SBF2: variants seen among roughly 807,000 people sequenced by gnomAD.
SBF2 encodes the protein SET binding factor 2, also known as myotubularin-related protein 13.
Under a neutral mutation model 225.2 loss-of-function variants are expected in SBF2, and 112 were observed. The ratio of observed to expected loss-of-function variants is 0.50; its 90% CI spans 0.43 to 0.58. The LOEUF is 0.58. Among genes scored for constraint, SBF2 ranks in the 20% least tolerant of loss-of-function variants. The pLI, the probability that SBF2 is intolerant of heterozygous loss-of-function variation, is 0.00. For synonymous variants in SBF2, 763 were observed against 773.3 expected, an observed-to-expected ratio of 0.99 and a Z score of 0.22; for missense variants, 1,996 against 2,206.2, an observed-to-expected ratio of 0.90 and a Z score of 1.91.
rs533755514 is a variant in SBF2 at position 9,860,811 on chromosome 11, T to C, written c.1930-2415A>G. 2.0e-5 allele frequency among the ~76,000 whole-genome samples: 3 copies of C among 152,310 alleles called. No homozygotes were observed. In the South Asian group the frequency reaches 6.2e-4, roughly 32 times the overall value. ...TTCATATAGATAAACTCCAAAAAAC[T>C]GAGCTTTTAACAAATCCTTATCAGA... On this transcript the variant is annotated intron_variant, in intron 17 of 39. Transcript: ENST00000256190.
At chr11:10,001,087 T>C in intron 7 of SBF2, 65 bp from the exon 8 acceptor site, 1 of 843,780 alleles carries the variant, frequency 1.2e-6, no homozygotes, top group South Asian at 1.4e-5. Flanking sequence ...TTCTTTCATC[T>C]TTATGCTGTG....
In SBF2 at chr11:9,857,033, C is replaced by T. The variant is rs185022052; in HGVS notation, c.2101-313G>A. 1.3e-3 allele frequency among the ~76,000 whole-genome samples: 199 copies of T among 152,230 alleles called. 1 individual carries two copies. The highest frequency in any genetic ancestry group is 4.4e-3 in the African/African-American group (181 of 41,538). Reference sequence around the variant, plus strand: ...CGATCTCCTGACCTTGTGATCAGCCCGCCTCGGCCTCCCAAAGTGCTGGGA... The same window carrying T: ...CGATCTCCTGACCTTGTGATCAGCCTGCCTCGGCCTCCCAAAGTGCTGGGA... On this transcript the variant is annotated intron_variant, in intron 18 of 39. Transcript: ENST00000256190.
In SBF2 at chr11:9,805,852, A is replaced by T. The variant is rs575750657; in HGVS notation, c.4443+2148T>A. Among the ~76,000 whole-genome samples the T allele has an allele frequency of 2.8e-4, 42 of 152,152 alleles. 1 individual carries two copies. Among genetic ancestry groups the T allele is most frequent in the Non-Finnish European group, 5.1e-4 (35 of 68,002 alleles). On this transcript the variant is annotated intron_variant, in intron 32 of 39. Transcript: ENST00000256190. ...TTGGCCAGGATGGTTTTGATCTCTT[A>T]CCTCGTGATCCACCCACCTTGGCCT...
intron 17 of SBF2, among the ~76,000 whole-genome samples, chr11:9,861,663 CAAAAAAA>C (rs1193095357): frequency 2.4e-5 from 2 of 83,458 alleles, no homozygotes; most frequent in Admixed American, 1.3e-4. Flanking sequence ...GACTCCATCT[CAAAAAAA>C]AAAAAAAAAA....
chr11:9,905,049 T>G (rs1051262693), intron 16 of SBF2, among the ~76,000 whole-genome samples: 3 of 152,102 alleles, frequency 2.0e-5, no homozygotes, highest in African/African-American at 7.2e-5. Flanking sequence ...CAAAAAACTA[T>G]CAGTAAATTT....
intron 22 of SBF2, among the ~76,000 whole-genome samples, chr11:9,849,465 A>C (rs1377952934): frequency 6.6e-6 from 1 of 152,204 alleles, no homozygotes; most frequent in Non-Finnish European, 1.5e-5. Context: ...ATTCCTTTCC[A>C]ATATAGAAGG....
At chr11:9,808,217 T>A in intron 31 of SBF2, 32 bp from the exon 32 acceptor site, 1 of 1,597,014 alleles carries the variant, frequency 6.3e-7, no homozygotes, top group Non-Finnish European at 8.6e-7. Flanking sequence ...TTGTCATTAA[T>A]TTTAGTTCTG....
At chr11:10,028,662 G>T (rs915386000) in intron 5 of SBF2, 105 bp from the exon 6 acceptor site, 5 of 791,474 alleles carry the variant, frequency 6.3e-6, no homozygotes, top group Non-Finnish European at 1.1e-5. Flanking sequence ...GACCATGTAA[G>T]ATCCAATTAA....
chr11:9,797,500 G>A (rs944674573), intron 32 of SBF2, among the ~76,000 whole-genome samples: 13 of 152,326 alleles, frequency 8.5e-5, no homozygotes, highest in African/African-American at 3.1e-4. Flanking sequence ...TGTTGCATCA[G>A]ATCTCCACAG....
At chr11:10,103,753 A>G (rs892326318) in intron 2 of SBF2, among the ~76,000 whole-genome samples, 3 of 152,210 alleles carry the variant, frequency 2.0e-5, no homozygotes, top group Non-Finnish European at 4.4e-5. Context: ...ATGAATATCA[A>G]GCAAAACAGG....
chr11:9,782,136 G>C (rs1386574373), intron 38 of SBF2, among the ~76,000 whole-genome samples: 2 of 150,258 alleles, frequency 1.3e-5, no homozygotes, highest in African/African-American at 4.9e-5. Context: ...AGTGAGCTGA[G>C]ATCCTGCCAC....
intron 33 of SBF2, among the ~76,000 whole-genome samples, chr11:9,791,986 T>C (rs539920419): frequency 6.6e-6 from 1 of 152,294 alleles, no homozygotes; most frequent in Admixed American, 6.5e-5. Flanking sequence ...TGTACACATA[T>C]AAGGAACATC....
intron 16 of SBF2, among the ~76,000 whole-genome samples, chr11:9,941,773 T>C (rs1454636477): frequency 6.6e-6 from 1 of 152,046 alleles, no homozygotes; most frequent in South Asian, 2.1e-4. Context: ...CTATAGGTCC[T>C]TGCCAGAAAA....
At chr11:9,933,664 G>A (rs1374178224) in intron 16 of SBF2, among the ~76,000 whole-genome samples, 1 of 152,186 alleles carries the variant, frequency 6.6e-6, no homozygotes, top group Non-Finnish European at 1.5e-5. Flanking sequence ...AAAGCAGTGT[G>A]TAGAGGGAAA....
intron 7 of SBF2, among the ~76,000 whole-genome samples, chr11:10,001,824 C>T (rs1171214493): frequency 1.3e-5 from 2 of 151,764 alleles, no homozygotes; most frequent in African/African-American, 4.8e-5. Context: ...CTGCGCCTGG[C>T]CAAAAAAATT....
chr11:10,296,449 A>G (rs1026411382), upstream of SBF2, among the ~76,000 whole-genome samples: 1 of 151,702 alleles, frequency 6.6e-6, no homozygotes, highest in Non-Finnish European at 1.5e-5. Flanking sequence ...ATCAAATCTC[A>G]TAAAACTTAT....
At position 10,050,467 on chromosome 11, in the gene SBF2, C is replaced by T. The variant is rs183888592; in HGVS notation, c.142-7486G>A. On this transcript the variant is annotated intron_variant, in intron 2 of 39. Transcript: ENST00000256190. ...TATGTTTTTTCCTATACATACATAA[C>T]AATGATGTTTAGTTTATAAGTTATA... Among the ~76,000 whole-genome samples, 328 of 151,978 alleles carry T rather than the reference C, an allele frequency of 2.2e-3. 1 individual carries two copies. Among genetic ancestry groups the T allele is most frequent in the African/African-American group, 7.7e-3 (321 of 41,466 alleles).
At chr11:10,280,808 T>C (rs1471457180) in intron 1 of SBF2, among the ~76,000 whole-genome samples, 2 of 145,192 alleles carry the variant, frequency 1.4e-5, no homozygotes, top group East Asian at 4.1e-4. Context: ...AATAGCTGTG[T>C]AACTACTCAC....
intron 2 of SBF2, among the ~76,000 whole-genome samples, chr11:10,121,860 G>A (rs536817207): frequency 5.3e-5 from 8 of 152,158 alleles, no homozygotes; most frequent in East Asian, 3.9e-4. Context: ...ATCCAGCCTC[G>A]GACAGAAATC....
Sources: allele counts gnomAD v4.1 joint callset (sites outside exome capture counted in the v4.1 genomes callset), GRCh38; gene constraint gnomAD v4.1.1; transcripts MANE v1.5; gene names NCBI Gene and HGNC (gene_info 2026-07-23, HGNC 2026-07-21).